Variants in PPP1R12A observed in about 807,000 individuals in gnomAD.
The protein encoded by PPP1R12A is myosin binding subunit.
A neutral mutation model predicts 139.6 loss-of-function variants in PPP1R12A; 19 were observed. The ratio of observed to expected loss-of-function variants is 0.14; its 90% CI spans 0.09 to 0.20. The LOEUF is 0.20. PPP1R12A is among the 10% of genes least tolerant of loss of function. The pLI, the probability that PPP1R12A is intolerant of heterozygous loss-of-function variation, is 1.00. For missense variants in PPP1R12A, 925 were observed against 1,211.5 expected, an observed-to-expected ratio of 0.76 and a Z score of 3.51; for synonymous variants, 427 against 420.6, an observed-to-expected ratio of 1.02 and a Z score of -0.19.
chr12:79,843,926 A>G (rs1879081910), intron 3 of PPP1R12A, among the ~76,000 whole-genome samples: 1 of 152,018 alleles, frequency 6.6e-6, no homozygotes, highest in Non-Finnish European at 1.5e-5. Flanking sequence ...GCTGGTCTCA[A>G]GCTCCTGACC....
At chr12:79,841,918 GT>G (rs1349771371) in intron 3 of PPP1R12A, among the ~76,000 whole-genome samples, 11 of 151,168 alleles carry the variant, frequency 7.3e-5, no homozygotes, top group South Asian at 2.1e-4. Context: ...TGCATTTCTT[GT>G]TTTTTTTAGG....
At chr12:79,845,251 TA>T in intron 3 of PPP1R12A, 50 bp downstream of exon 3, 1 of 1,343,296 alleles carries the variant, frequency 7.4e-7, no homozygotes, top group South Asian at 1.3e-5. Flanking sequence ...GCTGGAAAAG[TA>T]TCACATTCTT....
At chr12:79,872,137 T>C (rs541351245) in intron 2 of PPP1R12A, among the ~76,000 whole-genome samples, 1 of 152,288 alleles carries the variant, frequency 6.6e-6, no homozygotes, top group Admixed American at 6.5e-5. Context: ...CCATATTCAA[T>C]ATTTATTCAT....
chr12:79,830,443 A>T (rs1172704426), intron 4 of PPP1R12A, among the ~76,000 whole-genome samples: 1 of 152,196 alleles, frequency 6.6e-6, no homozygotes, highest in Non-Finnish European at 1.5e-5. Flanking sequence ...CCTATTATAA[A>T]CAATGCTGCT....
chr12:79,875,743 A>G (rs779631295), intron 1 of PPP1R12A, among the ~76,000 whole-genome samples: 1 of 152,232 alleles, frequency 6.6e-6, no homozygotes, highest in African/African-American at 2.4e-5. Flanking sequence ...GTAGCTGTTG[A>G]AAGTAATAAA....
At chr12:79,787,740 G>A (rs1339961582) in intron 21 of PPP1R12A, 1 of 152,256 alleles carries the variant, frequency 6.6e-6, no homozygotes, top group African/African-American at 2.4e-5. Context: ...TCGAACTCCC[G>A]ACCTCAGGTG....
chr12:79,784,775 T>A (rs1870901500), intron 22 of PPP1R12A, among the ~76,000 whole-genome samples: 1 of 152,078 alleles, frequency 6.6e-6, no homozygotes, highest in South Asian at 2.1e-4. Flanking sequence ...TAGCTGGGAC[T>A]ACAGGCGCCC....
intron 4 of PPP1R12A, among the ~76,000 whole-genome samples, chr12:79,831,793 C>A (rs1877463700): frequency 6.6e-6 from 1 of 152,104 alleles, no homozygotes; most frequent in Non-Finnish European, 1.5e-5. Context: ...AGCTTTGTTC[C>A]AAGCAAATTT....
rs1350294882 is a variant in PPP1R12A at position 79,793,760 on chromosome 12, T to C, written c.2649+103A>G. On this transcript the variant is annotated intron_variant, in intron 19 of 24. Coordinates refer to ENST00000450142, the MANE Select transcript of PPP1R12A (RefSeq NM_002480.3). ...TTGCATACCCAGCATGTAGGTAGAGTATGCAATAACTGCTTTGCATGAATA... is the reference window on the plus strand; with the variant it reads ...TTGCATACCCAGCATGTAGGTAGAGCATGCAATAACTGCTTTGCATGAATA... The C allele has an allele frequency of 1.2e-5, 10 of 819,294 alleles. No individual in the cohort carries two copies. In the African/African-American group the frequency reaches 1.4e-4, roughly 12 times the overall value. The allele number at this position is 819,294 out of a possible 1,614,324, so 50.8% of individuals were successfully genotyped here. A position where few individuals can be genotyped will look rare whatever the true frequency, so the allele number is the denominator to read the frequency against.
chr12:79,851,892 C>T (rs1449990210), intron 2 of PPP1R12A, among the ~76,000 whole-genome samples: 1 of 152,154 alleles, frequency 6.6e-6, no homozygotes, highest in Non-Finnish European at 1.5e-5. Context: ...TCTATTTCCT[C>T]CATTCTGCTA....
chr12:79,935,245 C>T, upstream of PPP1R12A: 1 of 1,176,904 alleles, frequency 8.5e-7, no homozygotes, highest in Non-Finnish European at 1.1e-6. Flanking sequence ...CGCATGCGCC[C>T]TGGGCCTGTG....
At chr12:79,864,503 AG>A (rs1310686969) in intron 2 of PPP1R12A, among the ~76,000 whole-genome samples, 1 of 152,198 alleles carries the variant, frequency 6.6e-6, no homozygotes, top group African/African-American at 2.4e-5. Context: ...GCAGAACTGA[AG>A]AAGACAGAGA....
rs576386599 is a variant in PPP1R12A at position 79,862,628 on chromosome 12, C to A, written c.368+10180G>T. ...CCAGTGTAGAGAAGAGCTAAATGAC[C>A]TGATGGAGCTGAAAACCACAGTACG... On this transcript the variant is annotated intron_variant, in intron 2 of 24. Coordinates refer to ENST00000450142, the MANE Select transcript of PPP1R12A (RefSeq NM_002480.3). Among the ~76,000 whole-genome samples the A allele has an allele frequency of 3.9e-5, 6 of 152,228 alleles. No homozygotes were observed. The South Asian group carries it at 1.2e-3, about 32-fold the overall frequency.
chr12:79,851,657 G>C (rs1243090842), intron 2 of PPP1R12A, among the ~76,000 whole-genome samples: 7 of 152,102 alleles, frequency 4.6e-5, no homozygotes, highest in Non-Finnish European at 8.8e-5. Flanking sequence ...TCTTAAATCT[G>C]TAGGTTTATG....
rs1884713784 is a variant in PPP1R12A, at chr12:79,892,213, T to C, written c.238-19275A>G. On this transcript the variant is annotated intron_variant, in intron 1 of 24. Transcript: ENST00000450142. Reference sequence around the variant, plus strand: ...GTATTTTCACCCTTCTTAAATGTCATCAAGTAAGAGTTACCTAAACTTAGT... The same window carrying C: ...GTATTTTCACCCTTCTTAAATGTCACCAAGTAAGAGTTACCTAAACTTAGT... 2.6e-5 allele frequency among the ~76,000 whole-genome samples: 4 copies of C among 152,194 alleles called. No homozygotes were observed. In the South Asian group the frequency reaches 8.3e-4, roughly 31 times the overall value.
chr12:79,913,315 C>A (rs1211744135), intron 1 of PPP1R12A, among the ~76,000 whole-genome samples: 1 of 152,144 alleles, frequency 6.6e-6, no homozygotes, highest in Non-Finnish European at 1.5e-5. Context: ...TCCAGAGTAT[C>A]TATTACTTTT....
At chr12:79,915,230 GTGCT>G (rs763001998) in intron 1 of PPP1R12A, among the ~76,000 whole-genome samples, 32 of 152,096 alleles carry the variant, frequency 2.1e-4, no homozygotes, top group Non-Finnish European at 4.4e-4. Flanking sequence ...TGAAGTACGT[GTGCT>G]TGCTTATGTG....
At chr12:79,820,038 A>G (rs1875900450) in intron 8 of PPP1R12A, among the ~76,000 whole-genome samples, 1 of 147,168 alleles carries the variant, frequency 6.8e-6, no homozygotes, top group East Asian at 3.2e-4. Flanking sequence ...CCATATGAAA[A>G]AAACACAAAA....
At chr12:79,852,758 G>A (rs948533713) in intron 2 of PPP1R12A, among the ~76,000 whole-genome samples, 1 of 152,054 alleles carries the variant, frequency 6.6e-6, no homozygotes, top group African/African-American at 2.4e-5. Flanking sequence ...ACATGTCTCT[G>A]GCTGAGAAGC....
Sources: allele counts gnomAD v4.1 joint callset (sites outside exome capture counted in the v4.1 genomes callset), GRCh38; gene constraint gnomAD v4.1.1; transcripts MANE v1.5; gene names NCBI Gene and HGNC (gene_info 2026-07-23, HGNC 2026-07-21).